Variants in RAPGEF6 observed in about 807,000 individuals in gnomAD.
The protein encoded by RAPGEF6 is Rap guanine nucleotide exchange factor 6.
In RAPGEF6, 56 loss-of-function variants were observed where a neutral mutation model predicts 171.4. The ratio of observed to expected loss-of-function variants is 0.33; its 90% CI spans 0.26 to 0.41. The LOEUF (loss-of-function observed/expected upper bound fraction) is 0.41. Among genes scored for constraint, RAPGEF6 ranks in the 10% least tolerant of loss-of-function variants. RAPGEF6 has a pLI of 1.00. For synonymous variants in RAPGEF6, 692 were observed against 650.1 expected (o/e 1.06, Z -0.98); for missense variants, 1,674 against 1,921.4 (o/e 0.87, Z 2.41).
At position 131,613,444 on chromosome 5, in the gene RAPGEF6, C is replaced by CATATATAT. The variant is rs36091475; in HGVS notation, c.70-8759_70-8752dup. On this transcript the variant is annotated intron_variant, in intron 1 of 27. Coordinates refer to ENST00000509018, the MANE Select transcript of RAPGEF6 (RefSeq NM_016340.6). ...CTGTGTGTGACTCTCTCTCTCTCTTCATATATATATATATATGTATGTATG... is the reference window on the plus strand; with the variant it reads ...CTGTGTGTGACTCTCTCTCTCTCTTCATATATATATATATATATATATATGTATGTATG... Among the ~76,000 whole-genome samples, 934 of 149,376 alleles carry CATATATAT rather than the reference C, an allele frequency of 6.3e-3. 9 individuals carry two copies. The highest frequency in any genetic ancestry group is 0.021 in the African/African-American group (852 of 40,626).
At chr5:131,547,023 T>C (rs1052813734) in intron 6 of RAPGEF6, among the ~76,000 whole-genome samples, 1 of 152,210 alleles carries the variant, frequency 6.6e-6, no homozygotes, top group Admixed American at 6.5e-5. Context: ...AATTGTTAAA[T>C]AGTGAGAACA....
intron 6 of RAPGEF6, among the ~76,000 whole-genome samples, chr5:131,521,891 ACTCTCTCTCTCTCT>A (rs144983094): frequency 2.0e-4 from 25 of 123,614 alleles, no homozygotes; most frequent in East Asian, 1.0e-3. Flanking sequence ...ACACACACAC[ACTCTCTCTCTCTCT>A]CACACACACA....
In RAPGEF6 at chr5:131,428,912, G is replaced by A. The variant is rs771222054; in HGVS notation, c.4770C>T (p.Ser1590=). ...AGCTTGTCAACATACCATCTGCTTC[G>A]CTATCTGCATCAGTCACATCTCCTA... ...PKLGDVTDAD[S]EADENEQVSA... Residue 1590 remains serine, a synonymous_variant, in exon 27 of 28, where the codon AGC becomes AGT. Coordinates refer to ENST00000509018, the MANE Select transcript of RAPGEF6 (RefSeq NM_016340.6). The A allele has an allele frequency of 6.2e-6, 10 of 1,612,602 alleles. No homozygotes were observed. In the East Asian group the frequency reaches 6.7e-5, roughly 11 times the overall value.
chr5:131,519,724 C>T (rs1398481718), intron 7 of RAPGEF6, among the ~76,000 whole-genome samples: 3 of 152,210 alleles, frequency 2.0e-5, no homozygotes, highest in African/African-American at 7.2e-5. Context: ...GATATTCTCA[C>T]ATGTCCTGAG....
At chr5:131,458,626 T>C (rs753635303) in intron 19 of RAPGEF6, among the ~76,000 whole-genome samples, 2 of 152,246 alleles carry the variant, frequency 1.3e-5, no homozygotes, top group Non-Finnish European at 2.9e-5. Context: ...AGGTATTTAA[T>C]GTAATCTCAA....
At chr5:131,473,861 TAGTC>T (rs1181897633) in intron 16 of RAPGEF6, among the ~76,000 whole-genome samples, 7 of 152,284 alleles carry the variant, frequency 4.6e-5, no homozygotes, top group African/African-American at 1.7e-4. Context: ...GGACTGTTAA[TAGTC>T]AGACATGAAA....
chr5:131,604,584 C>T, intron 2 of RAPGEF6, 39 bp downstream of exon 2: 2 of 1,595,776 alleles, frequency 1.3e-6, no homozygotes, highest in South Asian at 1.1e-5. Flanking sequence ...GAATGAATGG[C>T]TATACAGCGT....
chr5:131,469,853 A>C, intron 17 of RAPGEF6: 1 of 1,498,194 alleles, frequency 6.7e-7, no homozygotes, highest in South Asian at 1.2e-5. Flanking sequence ...CAAAGTAAGC[A>C]ATCAAAAACA....
intron 7 of RAPGEF6, among the ~76,000 whole-genome samples, chr5:131,516,079 T>C (rs1580951562): frequency 9.8e-5 from 1 of 10,154 alleles, no homozygotes; most frequent in East Asian, 4.5e-3. Context: ...TTTTTTTTTT[T>C]TTTTTTTTTT....
Position 131,485,056 on chromosome 5 carries a change from A to G in RAPGEF6, c.1840+4490T>C, listed in dbSNP as rs150758571. 9.2e-5 allele frequency among the ~76,000 whole-genome samples: 14 copies of G among 152,200 alleles called. No individual in the cohort carries two copies. The South Asian group carries it at 1.2e-3, about 14-fold the overall frequency. ...ATCTTCCTGCTTCAGCCTCCCAAGT[A>G]GCTGGGACTACAGGTGCATGCTACC... is the stretch of plus-strand genomic sequence containing the variant. On this transcript the variant is annotated intron_variant, in intron 15 of 27. Transcript: ENST00000509018.
intron 26 of RAPGEF6, among the ~76,000 whole-genome samples, chr5:131,429,855 C>G (rs1751591194): frequency 6.6e-6 from 1 of 151,936 alleles, no homozygotes; most frequent in Admixed American, 6.6e-5. Context: ...AAGTTTGAGA[C>G]CAGCCTGGCC....
rs113268149 is a variant in RAPGEF6 at position 131,432,372 on chromosome 5, A to G, written c.3975-1023T>C. Among the ~76,000 whole-genome samples, 980 of 152,180 alleles carry G rather than the reference A, an allele frequency of 6.4e-3. 12 individuals carry two copies. Among genetic ancestry groups the G allele is most frequent in the African/African-American group, 0.022 (931 of 41,534 alleles). ...GGTGGCTCACGCCTGTAATCCCAGC[A>G]CTTTGGGAGGCCGAGGCGGGCGGAT... On this transcript the variant is annotated intron_variant, in intron 25 of 27. Transcript: ENST00000509018.
chr5:131,613,205 T>C (rs1382149679), intron 1 of RAPGEF6, among the ~76,000 whole-genome samples: 1 of 152,132 alleles, frequency 6.6e-6, no homozygotes, highest in African/African-American at 2.4e-5. Context: ...GGTCAGGAGA[T>C]CAAGACCATC....
chr5:131,549,608 T>G (rs1332523781), intron 5 of RAPGEF6, among the ~76,000 whole-genome samples: 1 of 151,952 alleles, frequency 6.6e-6, no homozygotes, highest in Non-Finnish European at 1.5e-5. Flanking sequence ...CTACCAGGGA[T>G]GCTGGGGCGA....
intron 4 of RAPGEF6, among the ~76,000 whole-genome samples, chr5:131,567,785 G>T (rs930813953): frequency 1.3e-5 from 2 of 152,132 alleles, no homozygotes; most frequent in African/African-American, 4.8e-5. Flanking sequence ...TTCTATTATT[G>T]AAAGACTTTT....
Position 131,446,659 on chromosome 5 carries a change from T to G in RAPGEF6, c.3245A>C (p.Gln1082Pro). The G allele has an allele frequency of 1.2e-6, 2 of 1,614,216 alleles. No individual in the cohort carries two copies. Among genetic ancestry groups the G allele is most frequent in the Non-Finnish European group, 1.7e-6 (2 of 1,180,004 alleles). The change falls in exon 22 of 28, where the codon CAG becomes CCG. Residue 1082 changes from glutamine (Q) to proline (P), a missense_variant. Transcript: ENST00000509018. ...GSTNSNMLDVQGGAHKKRARR... is the reference protein window; with the variant it reads ...GSTNSNMLDVPGGAHKKRARR... Reference sequence around the variant, plus strand: ...TGCCCTTTTTTTGTGAGCACCTCCCTGAACATCCAGCATGTTTGAATTTGT... The same window carrying G: ...TGCCCTTTTTTTGTGAGCACCTCCCGGAACATCCAGCATGTTTGAATTTGT...
At chr5:131,624,531 C>T (rs1765787783) in intron 1 of RAPGEF6, among the ~76,000 whole-genome samples, 1 of 152,196 alleles carries the variant, frequency 6.6e-6, no homozygotes, top group Non-Finnish European at 1.5e-5. Context: ...TGGTGGTATA[C>T]ACCTGTACTC....
chr5:131,453,448 G>T (rs748227578), intron 20 of RAPGEF6, among the ~76,000 whole-genome samples: 2 of 151,990 alleles, frequency 1.3e-5, no homozygotes, highest in Non-Finnish European at 2.9e-5. Context: ...CATGGGCTCG[G>T]GGCACAATGG....
At chr5:131,465,449 A>G (rs1754268867) in intron 17 of RAPGEF6, among the ~76,000 whole-genome samples, 1 of 152,300 alleles carries the variant, frequency 6.6e-6, no homozygotes, top group Non-Finnish European at 1.5e-5. Context: ...AATTTTCCCT[A>G]TGACAATAAA....
Sources: allele counts gnomAD v4.1 joint callset (sites outside exome capture counted in the v4.1 genomes callset), GRCh38; gene constraint gnomAD v4.1.1; transcripts MANE v1.5; gene names NCBI Gene and HGNC (gene_info 2026-07-23, HGNC 2026-07-21).